The following WDR7 variants were observed in gnomAD, a reference collection of about 807,000 sequenced individuals.
WDR7 encodes WD repeat domain 7.
WDR7 carries 46 observed loss-of-function variants against 169.4 expected under a neutral mutation model. The observed-to-expected ratio is 0.27, with a 90% CI of 0.21 to 0.35. The LOEUF (loss-of-function observed/expected upper bound fraction) is 0.35. Ranked by LOEUF, WDR7 falls within the 10% of genes least tolerant of loss-of-function variation. The probability of loss-of-function intolerance (pLI) is 1.00; values close to 1 mark genes in which losing one functional copy is unlikely to be tolerated. For missense variants in WDR7, 1,534 were observed against 1,859.3 expected, an observed-to-expected ratio of 0.83 and a Z score of 3.22; for synonymous variants, 612 against 666.8, an observed-to-expected ratio of 0.92 and a Z score of 1.27.
intron 14 of WDR7, among the ~76,000 whole-genome samples, chr18:56,752,939 G>A (rs764529911): frequency 3.3e-5 from 5 of 152,196 alleles, no homozygotes; most frequent in Non-Finnish European, 7.3e-5. Context: ...AAACTACTTG[G>A]TTCTGAAAGT....
intron 19 of WDR7, among the ~76,000 whole-genome samples, chr18:56,795,893 T>C (rs984386564): frequency 6.6e-6 from 1 of 152,230 alleles, no homozygotes; most frequent in Non-Finnish European, 1.5e-5. Context: ...ATAACACAGT[T>C]ACATTCATTT....
rs778933286 is a variant in WDR7 at position 56,924,013 on chromosome 18, A to G, written c.3618A>G (p.Gly1206=). The G allele has an allele frequency of 1.2e-6, 2 of 1,612,802 alleles. No homozygotes were observed. Among genetic ancestry groups the G allele is most frequent in the Admixed American group, 3.3e-5 (2 of 59,748 alleles). ...GAAGAACAGCCATTGATCTGATTGG[A>G]CGTGGGTTCACTGTTTGGGAGCCTT... The part of the protein sequence containing the change: ...TIRRTAIDLI[G]RGFTVWEPYM... The change falls in exon 22 of 28, where the codon GGA becomes GGG. Residue 1206 remains glycine (G), a synonymous_variant. Coordinates refer to ENST00000254442, the MANE Select transcript of WDR7 (RefSeq NM_015285.3).
At chr18:56,712,427 G>T (rs1285906256) in intron 12 of WDR7, among the ~76,000 whole-genome samples, 1 of 152,182 alleles carries the variant, frequency 6.6e-6, no homozygotes, top group Non-Finnish European at 1.5e-5. Context: ...CCTTTATTTG[G>T]CTTAGGATGA....
In WDR7 at chr18:56,758,932, G is replaced by A; in HGVS notation, c.2827G>A (p.Val943Met). ...TTCCCCTCCAACTTCCAGTAATATT[G>A]TGCAAGGACAGATTAAACAAGGTAA... ...RGSPPTSSNI[V>M]QGQIKQVAAP... is the part of the protein sequence containing the mutation. The change falls in exon 16 of 28, where the codon GTG becomes ATG. Residue 943 changes from valine (V) to methionine (M), a missense_variant. Transcript: ENST00000254442. 6.2e-7 allele frequency: 1 copy of A among 1,612,632 alleles called. No homozygotes were observed. Among genetic ancestry groups the A allele is most frequent in the Non-Finnish European group, 8.5e-7 (1 of 1,179,178 alleles).
intron 19 of WDR7, among the ~76,000 whole-genome samples, chr18:56,811,906 T>G (rs1411056792): frequency 6.6e-6 from 1 of 152,182 alleles, no homozygotes; most frequent in Non-Finnish European, 1.5e-5. Flanking sequence ...TAAAATGACT[T>G]TTTTCTACTT....
intron 20 of WDR7, among the ~76,000 whole-genome samples, chr18:56,834,533 C>T (rs1445115300): frequency 2.0e-5 from 3 of 151,866 alleles, no homozygotes; most frequent in Non-Finnish European, 2.9e-5. Flanking sequence ...AACAATATCT[C>T]GTGTGACCTG....
Position 56,696,257 on chromosome 18 carries a change from G to C in WDR7, c.1373G>C (p.Arg458Thr), listed in dbSNP as rs753507066. The C allele has an allele frequency of 6.2e-7, 1 of 1,611,636 alleles. No individual in the cohort carries two copies. The highest frequency in any genetic ancestry group is 8.5e-7 in the Non-Finnish European group (1 of 1,178,630). The stretch of plus-strand genomic sequence containing the variant: ...TCATTCACAGGTTGGCCACCTCACA[G>C]AACACTCCGTGGTCATCGGAACAAA... The part of the protein sequence containing the change: ...HMLRRGWPPH[R>T]TLRGHRNKVT... The change falls in exon 12 of 28, where the codon AGA (arginine) becomes ACA (threonine). Residue 458 changes from arginine (R) to threonine (T), a missense_variant. Physicochemically the swap from Arg to Thr is moderately conservative, Grantham distance 71. Coordinates refer to ENST00000254442, the MANE Select transcript of WDR7 (RefSeq NM_015285.3).
intron 17 of WDR7, 37 bp from the exon 18 acceptor site, chr18:56,779,394 T>C (rs1197167340): frequency 1.3e-6 from 2 of 1,529,256 alleles, no homozygotes; most frequent in Non-Finnish European, 1.8e-6. Context: ...AATGCCAAAA[T>C]GGTTAAAGAA....
intron 21 of WDR7, among the ~76,000 whole-genome samples, chr18:56,890,088 C>T (rs1020607630): frequency 3.3e-5 from 5 of 151,984 alleles, no homozygotes; most frequent in Non-Finnish European, 5.9e-5. Flanking sequence ...CAAAAGAAGG[C>T]CATTAAATAA....
At chr18:56,960,668 G>A (rs987159976) in intron 25 of WDR7, among the ~76,000 whole-genome samples, 7 of 151,776 alleles carry the variant, frequency 4.6e-5, no homozygotes, top group African/African-American at 1.2e-4. Context: ...TGTAATTATC[G>A]AGTAACAAAA....
chr18:56,881,218 A>G (rs1012047349), intron 21 of WDR7, among the ~76,000 whole-genome samples: 1 of 152,194 alleles, frequency 6.6e-6, no homozygotes, highest in Non-Finnish European at 1.5e-5. Context: ...CATTCAACAA[A>G]TACTTATTAG....
intron 22 of WDR7, among the ~76,000 whole-genome samples, chr18:56,928,066 G>A (rs530240265): frequency 1.3e-5 from 2 of 152,326 alleles, no homozygotes; most frequent in East Asian, 1.9e-4. Flanking sequence ...GGGTAGGAAA[G>A]CGCAGGCATG....
intron 7 of WDR7, among the ~76,000 whole-genome samples, chr18:56,688,732 GAA>G (rs200337025): frequency 1.4e-5 from 2 of 143,788 alleles, no homozygotes; most frequent in African/African-American, 2.5e-5. Flanking sequence ...CTGTCTTGGG[GAA>G]AAAAAAAAAG....
intron 18 of WDR7, among the ~76,000 whole-genome samples, chr18:56,779,923 T>C (rs1276731946): frequency 6.6e-6 from 1 of 152,206 alleles, no homozygotes; most frequent in Non-Finnish European, 1.5e-5. Flanking sequence ...CTAATTCAAT[T>C]GCCATATTTC....
At chr18:56,732,459 AT>A (rs1422776797) in intron 14 of WDR7, among the ~76,000 whole-genome samples, 1 of 152,198 alleles carries the variant, frequency 6.6e-6, no homozygotes, top group Non-Finnish European at 1.5e-5. Flanking sequence ...ATGGTTAGAC[AT>A]GTGAATAAAT....
chr18:56,842,599 AAAGGATTCGTAGTACTTCGGT>A lies in WDR7; in HGVS notation c.3304+26457_3304+26477del, dbSNP rs377046478. On this transcript the variant is annotated intron_variant, in intron 20 of 27. Coordinates refer to ENST00000254442, the MANE Select transcript of WDR7 (RefSeq NM_015285.3). ...GTCTATTGTATAGGAGACTGTAAGT[AAAGGATTCGTAGTACTTCGGT>A]ATAGCCTATTCAAAATTCCCATTGA... Among the ~76,000 whole-genome samples, 1,455 of 152,338 alleles carry A rather than the reference AAAGGATTCGTAGTACTTCGGT, an allele frequency of 9.6e-3. 28 individuals are homozygous for A. Among genetic ancestry groups the A allele is most frequent in the African/African-American group, 0.031 (1,297 of 41,582 alleles).
chr18:56,905,002 G>T (rs2046457258), intron 21 of WDR7, among the ~76,000 whole-genome samples: 1 of 152,184 alleles, frequency 6.6e-6, no homozygotes, highest in Non-Finnish European at 1.5e-5. Context: ...AGATTGAAAG[G>T]TAAGTGTGGC....
chr18:56,693,561 GTTTTTTTTTTTGTTTTTTT>G (rs1276491021), intron 9 of WDR7, among the ~76,000 whole-genome samples: 3 of 98,756 alleles, frequency 3.0e-5, no homozygotes, highest in Non-Finnish European at 5.9e-5. Flanking sequence ...AATTTTGTTG[GTTTTTTTTTTTGTTTTTTT>G]TTTTTTTTTG....
intron 27 of WDR7, 36 bp downstream of exon 27, chr18:57,020,885 C>T (rs1396297054): frequency 6.3e-7 from 1 of 1,578,320 alleles, no homozygotes. Flanking sequence ...AAAGCATATA[C>T]TGCGTGATAT....
Sources: gnomAD v4.1 joint callset for allele counts (sites outside exome capture counted in the v4.1 genomes callset) on GRCh38, gnomAD v4.1.1 for gene constraint, MANE v1.5 for transcripts, NCBI Gene and HGNC (gene_info 2026-07-23, HGNC 2026-07-21) for gene names.